GTPBP8: variants seen among roughly 807,000 people sequenced by gnomAD.
GTPBP8 encodes GTP-binding protein 8.
A neutral mutation model predicts 27.3 loss-of-function variants in GTPBP8; 21 were observed. The ratio of observed to expected loss-of-function variants is 0.77; its 90% CI spans 0.55 to 1.11. The LOEUF is 1.11. Among genes scored for constraint, GTPBP8 ranks in the 50% least tolerant of loss-of-function variants. The pLI is 0.00. For synonymous variants in GTPBP8, 147 were observed against 135.3 expected, an observed-to-expected ratio of 1.09 and a Z score of -0.60; for missense variants, 380 against 350.8, an observed-to-expected ratio of 1.08 and a Z score of -0.67.
intron 4 of GTPBP8, among the ~76,000 whole-genome samples, chr3:112,999,093 A>G (rs1170510498): frequency 6.6e-6 from 1 of 152,188 alleles, no homozygotes; most frequent in Non-Finnish European, 1.5e-5. Context: ...GATAAACCCA[A>G]TATTCATTTA....
At position 113,000,685 on chromosome 3, in the gene GTPBP8, A is replaced by C. The variant is rs577538657; in HGVS notation, c.786-165A>C. On this transcript the variant is annotated intron_variant, in intron 5 of 5. Transcript: ENST00000383678. ...ATAATATTGATCATCAGATTTTAGA[A>C]TACTACAAGACGCGGCTGGGGGAAG... 1.2e-4 allele frequency among the ~76,000 whole-genome samples: 19 copies of C among 152,358 alleles called. No individual in the cohort carries two copies. The East Asian group carries it at 3.7e-3, about 29-fold the overall frequency.
rs1476609808 is a variant in GTPBP8, at chr3:113,001,215, CA to C, written c.*297del. The C allele has an allele frequency of 8.8e-6, 2 of 226,452 alleles. No individual in the cohort carries two copies. The highest frequency in any genetic ancestry group is 1.7e-5 in the Non-Finnish European group (2 of 117,214). The allele number at this position is 226,452 out of a possible 1,614,324, so 14.0% of individuals were successfully genotyped here. ...AATGAAAACCTGTTACAACTATGTA[CA>C]GAAGGGTTTGACGTTTTATTGGGCT... On this transcript the variant is annotated 3_prime_UTR_variant, in exon 6 of 6. Coordinates refer to ENST00000383678, the MANE Select transcript of GTPBP8 (RefSeq NM_014170.4).
intron 1 of GTPBP8, 25 bp downstream of exon 1, chr3:112,991,360 C>T (rs1398677164): frequency 1.9e-6 from 3 of 1,603,692 alleles, no homozygotes; most frequent in Non-Finnish European, 2.6e-6. Flanking sequence ...TCACGGTTCA[C>T]CTGCGCGCCG....
At chr3:112,997,106 G>T in intron 4 of GTPBP8, 115 bp downstream of exon 4, 1 of 619,128 alleles carries the variant, frequency 1.6e-6, no homozygotes, top group Non-Finnish European at 2.8e-6. Context: ...ATAAAGGAGA[G>T]TGCCTTTTGA....
chr3:112,996,303 C>CAA (rs1382205449), intron 3 of GTPBP8, among the ~76,000 whole-genome samples: 1 of 136,818 alleles, frequency 7.3e-6, no homozygotes, highest in African/African-American at 2.7e-5. Context: ...ACTAAAAATA[C>CAA]AAAAAAAAAA....
At position 113,000,944 on chromosome 3, in the gene GTPBP8, CAAAAA is replaced by C; in HGVS notation, c.*37_*41del. 48 of 814,766 alleles carry C rather than the reference CAAAAA, an allele frequency of 5.9e-5. No individual in the cohort carries two copies. Among genetic ancestry groups the C allele is most frequent in the South Asian group, 1.3e-4 (8 of 59,662 alleles). The allele number at this position is 814,766 out of a possible 1,614,324, so 50.5% of individuals were successfully genotyped here. A position where few individuals can be genotyped will look rare whatever the true frequency, so the allele number is the denominator to read the frequency against. On this transcript the variant is annotated 3_prime_UTR_variant, in exon 6 of 6. Coordinates refer to ENST00000383678, the MANE Select transcript of GTPBP8 (RefSeq NM_014170.4). ...ATGGTTCCCGGTTTAGCTGAAGATT[CAAAAA>C]AAAAAAAAAAAGCTTTATGCTAACT...
chr3:112,995,818 G>C (rs1201851443), intron 3 of GTPBP8, among the ~76,000 whole-genome samples: 2 of 152,084 alleles, frequency 1.3e-5, no homozygotes, highest in African/African-American at 4.8e-5. Context: ...TTACAGGCAT[G>C]AACCACCGCA....
At chr3:112,992,908 C>A in intron 1 of GTPBP8, 118 bp from the exon 2 acceptor site, 1 of 582,336 alleles carries the variant, frequency 1.7e-6, no homozygotes, top group Non-Finnish European at 3.1e-6. Context: ...AAAATAGTAC[C>A]TGGCACATTT....
chr3:113,000,884 T>G lies in GTPBP8; in HGVS notation c.820T>G (p.Cys274Gly), dbSNP rs1933891388. 1 of 1,601,136 alleles carries G rather than the reference T, an allele frequency of 6.2e-7. No individual in the cohort carries two copies. The highest frequency in any genetic ancestry group is 8.5e-7 in the Non-Finnish European group (1 of 1,169,786). Reference protein sequence around the residue: ...VTFSGIHLLRCFIASVTGSLD With the variant: ...VTFSGIHLLRGFIASVTGSLD Reference sequence around the variant, plus strand: ...CTTTTCTGGAATCCACCTGTTGAGATGCTTTATAGCCAGTGTAACAGGAAG... The same window carrying G: ...CTTTTCTGGAATCCACCTGTTGAGAGGCTTTATAGCCAGTGTAACAGGAAG... The change falls in exon 6 of 6, where the codon TGC (cysteine) becomes GGC (glycine). Residue 274 changes from cysteine (C) to glycine (G), a missense_variant. Coordinates refer to ENST00000383678, the MANE Select transcript of GTPBP8 (RefSeq NM_014170.4).
chr3:112,991,020 G>A lies in GTPBP8; in HGVS notation c.21G>A (p.Arg7=). Residue 7 remains arginine (R), a synonymous_variant, in exon 1 of 6, where the codon CGG becomes CGA. Coordinates refer to ENST00000383678, the MANE Select transcript of GTPBP8 (RefSeq NM_014170.4). MAAPGL[R]LGAGRLFEMP... ...GGAGAATGGCGGCGCCCGGGCTGCG[G>A]CTGGGAGCGGGAAGACTCTTTGAAA... 1 of 1,596,598 alleles carries A rather than the reference G, an allele frequency of 6.3e-7. No homozygotes were observed. Among genetic ancestry groups the A allele is most frequent in the Non-Finnish European group, 8.6e-7 (1 of 1,168,256 alleles).
At chr3:112,993,617 T>C (rs1933727549) in intron 2 of GTPBP8, among the ~76,000 whole-genome samples, 1 of 152,226 alleles carries the variant, frequency 6.6e-6, no homozygotes, top group Non-Finnish European at 1.5e-5. Context: ...TCTACTTTCT[T>C]CTCAACGACG....
At chr3:112,992,912 C>T (rs958947065) in intron 1 of GTPBP8, 114 bp from the exon 2 acceptor site, 1 of 588,334 alleles carries the variant, frequency 1.7e-6, no homozygotes, top group Non-Finnish European at 3.0e-6. Flanking sequence ...TAGTACCTGG[C>T]ACATTTAATT....
chr3:112,991,535 G>T (rs773762660), intron 1 of GTPBP8, 200 bp downstream of exon 1: 1 of 705,024 alleles, frequency 1.4e-6, no homozygotes, highest in South Asian at 1.5e-5. Context: ...AGTACAAAAT[G>T]CAGTCAATAC....
intron 4 of GTPBP8, among the ~76,000 whole-genome samples, chr3:112,998,127 A>AT (rs1933822339): frequency 1.3e-5 from 2 of 152,122 alleles, no homozygotes; most frequent in Non-Finnish European, 2.9e-5. Context: ...CTCTGCTCTC[A>AT]TACCACAACA....
intron 2 of GTPBP8, among the ~76,000 whole-genome samples, chr3:112,993,497 T>A (rs926491049): frequency 5.9e-5 from 9 of 152,232 alleles, no homozygotes; most frequent in African/African-American, 2.2e-4. Context: ...TATAATCTTT[T>A]TTAAGGTATA....
At position 112,991,249 on chromosome 3, in the gene GTPBP8, A is replaced by G. The variant is rs770612886; in HGVS notation, c.250A>G (p.Ile84Val). The G allele has an allele frequency of 2.5e-6, 4 of 1,614,044 alleles. No homozygotes were observed. The highest frequency in any genetic ancestry group is 2.5e-6 in the Non-Finnish European group (3 of 1,180,034). The stretch of plus-strand genomic sequence containing the variant: ...GGAGGACATAGCCAGGGCGGACAAC[A>G]TCTTCACGGCCACTGAACGGAACCG... The part of the protein sequence containing the change: ...SPEDIARADN[I>V]FTATERNRID... Residue 84 changes from isoleucine to valine, a missense_variant, in exon 1 of 6, where the codon ATC (isoleucine) becomes GTC (valine). Ile to Val is a conservative substitution (Grantham distance 29). Transcript: ENST00000383678.
intron 2 of GTPBP8, among the ~76,000 whole-genome samples, chr3:112,993,441 G>T (rs1228213391): frequency 1.3e-5 from 2 of 152,160 alleles, no homozygotes; most frequent in Non-Finnish European, 2.9e-5. Flanking sequence ...GTTCTACACT[G>T]ATTGTACGGT....
intron 3 of GTPBP8, among the ~76,000 whole-genome samples, chr3:112,996,495 GTTAAT>G (rs1933790063): frequency 6.6e-6 from 1 of 151,878 alleles, no homozygotes; most frequent in Non-Finnish European, 1.5e-5. Context: ...ATAACTTATG[GTTAAT>G]TTTTTATAAT....
intron 5 of GTPBP8, among the ~76,000 whole-genome samples, chr3:113,000,312 G>A (rs1414362594): frequency 6.6e-6 from 1 of 152,134 alleles, no homozygotes; most frequent in Non-Finnish European, 1.5e-5. Context: ...GTTGCAGTGA[G>A]CCAAGATCAC....
Sources: gnomAD v4.1 joint callset for allele counts (sites outside exome capture counted in the v4.1 genomes callset) on GRCh38, gnomAD v4.1.1 for gene constraint, MANE v1.5 for transcripts, NCBI Gene and HGNC (gene_info 2026-07-23, HGNC 2026-07-21) for gene names.